Variants in CUBN observed in about 807,000 individuals in gnomAD.
CUBN encodes cubilin.
A neutral mutation model predicts 405.3 loss-of-function variants in CUBN; 282 were observed. The ratio of observed to expected loss-of-function variants is 0.70; its 90% CI spans 0.63 to 0.77. The LOEUF is 0.77. Among genes scored for constraint, CUBN ranks in the 30% least tolerant of loss-of-function variants. CUBN has a pLI of 0.00. For missense variants in CUBN, 4,514 were observed against 4,475.2 expected (o/e 1.01, Z -0.25); for synonymous variants, 1,684 against 1,617.0 (o/e 1.04, Z -0.99).
intron 36 of CUBN, among the ~76,000 whole-genome samples, chr10:16,946,643 C>T (rs1160826306): frequency 6.6e-6 from 1 of 151,784 alleles, no homozygotes; most frequent in African/African-American, 2.4e-5. Context: ...TTACAGGTGC[C>T]CGCCACCACT....
At chr10:17,035,101 G>T (rs1259989393) in intron 27 of CUBN, among the ~76,000 whole-genome samples, 1 of 147,804 alleles carries the variant, frequency 6.8e-6, no homozygotes. Flanking sequence ...ATAAACAAAT[G>T]AAAACGCAAT....
intron 36 of CUBN, among the ~76,000 whole-genome samples, chr10:16,943,201 G>T (rs141706630): frequency 6.6e-6 from 1 of 152,286 alleles, no homozygotes; most frequent in East Asian, 1.9e-4. Flanking sequence ...CCAGATACTA[G>T]CATTGGTAGG....
At chr10:16,976,399 T>A (rs938547209) in intron 31 of CUBN, among the ~76,000 whole-genome samples, 6 of 152,198 alleles carry the variant, frequency 3.9e-5, no homozygotes, top group African/African-American at 1.4e-4. Context: ...CAATCCTGGT[T>A]GAAAAGTCAG....
At chr10:17,091,711 A>T (rs80005857) in intron 14 of CUBN, among the ~76,000 whole-genome samples, 1,846 of 152,296 alleles carry the variant, frequency 0.012, 39 homozygotes, top group African/African-American at 0.043. Context: ...ATAATAGAAA[A>T]GCAGATTTCA....
At chr10:17,124,331 A>C (rs962328247) in intron 4 of CUBN, among the ~76,000 whole-genome samples, 1 of 152,192 alleles carries the variant, frequency 6.6e-6, no homozygotes, top group African/African-American at 2.4e-5. Flanking sequence ...ATCTGACCCT[A>C]TGTCAGCTAC....
At chr10:17,051,715 C>T (rs1835272098) in intron 22 of CUBN, among the ~76,000 whole-genome samples, 1 of 151,378 alleles carries the variant, frequency 6.6e-6, no homozygotes, top group Admixed American at 6.6e-5. Context: ...GGTCAGTAAA[C>T]TTTAATATGT....
chr10:16,829,942 GTT>G (rs1020234349), intron 65 of CUBN, among the ~76,000 whole-genome samples: 3 of 128,776 alleles, frequency 2.3e-5, no homozygotes, highest in Non-Finnish European at 5.0e-5. Context: ...TTTTTGTTTT[GTT>G]TTTTTTTTTG....
intron 31 of CUBN, among the ~76,000 whole-genome samples, chr10:16,980,622 G>C (rs919314559): frequency 2.0e-5 from 3 of 152,052 alleles, no homozygotes; most frequent in Admixed American, 2.0e-4. Context: ...ATTCTCACTC[G>C]TAAGTGGGAG....
At chr10:16,990,667 T>C in intron 28 of CUBN, 152 bp from the exon 29 acceptor site, 1 of 653,638 alleles carries the variant, frequency 1.5e-6, no homozygotes, top group South Asian at 2.0e-5. Flanking sequence ...ATTATGCAGT[T>C]ATAAAACAAT....
At chr10:16,954,651 G>T (rs1564445446) in intron 31 of CUBN, 103 bp from the exon 32 acceptor site, 17 of 1,260,806 alleles carry the variant, frequency 1.3e-5, no homozygotes, top group Admixed American at 3.9e-5. Context: ...ATAATCACAC[G>T]TTTGCTGGAT....
intron 40 of CUBN, among the ~76,000 whole-genome samples, chr10:16,929,640 G>C (rs1049931815): frequency 1.3e-5 from 2 of 152,050 alleles, no homozygotes; most frequent in Non-Finnish European, 2.9e-5. Flanking sequence ...TTCTTTGGAG[G>C]GTTTCTGATC....
chr10:17,013,412 C>T (rs1408236480), intron 28 of CUBN, among the ~76,000 whole-genome samples: 1 of 102,824 alleles, frequency 9.7e-6, no homozygotes, highest in Non-Finnish European at 2.0e-5. Flanking sequence ...CTCTCTCTTC[C>T]TCTCTCTGTC....
intron 59 of CUBN, among the ~76,000 whole-genome samples, chr10:16,867,377 T>A (rs761745980): frequency 6.6e-6 from 1 of 152,212 alleles, no homozygotes; most frequent in African/African-American, 2.4e-5. Flanking sequence ...TTATTGTTCC[T>A]TCCCCCTCTC....
rs1210702571 is a variant in CUBN, at chr10:16,904,097, A to G, written c.7931T>C (p.Leu2644Pro). The change falls in exon 51 of 67, where the codon CTG becomes CCG. Residue 2644 changes from leucine to proline, a missense_variant. Around this residue, in one of 5 missense-constraint regions of CUBN, gnomAD observed 25 missense variants for 48.5 expected, o/e 0.52. Transcript: ENST00000377833. ...EFRVGDADGP[L>P]MWRLCGPSKP... Reference sequence around the variant, plus strand: ...TGAAGGACCACAAAGTCTCCACATCAGGGGCCCATCAGCATCACCTGAACA... The same window carrying G: ...TGAAGGACCACAAAGTCTCCACATCGGGGGCCCATCAGCATCACCTGAACA... 6.2e-7 allele frequency: 1 copy of G among 1,613,728 alleles called. No homozygotes were observed. Among genetic ancestry groups the G allele is most frequent in the Non-Finnish European group, 8.5e-7 (1 of 1,179,754 alleles).
intron 59 of CUBN, among the ~76,000 whole-genome samples, chr10:16,866,921 G>C (rs1200401923): frequency 1.3e-5 from 2 of 152,170 alleles, no homozygotes; most frequent in African/African-American, 4.8e-5. Context: ...AATTTGCTGT[G>C]ACTCGCTAGC....
intron 27 of CUBN, among the ~76,000 whole-genome samples, chr10:17,028,173 T>TAA (rs997312753): frequency 4.0e-5 from 6 of 151,744 alleles, no homozygotes; most frequent in Non-Finnish European, 7.4e-5. Context: ...TTTAATTCCA[T>TAA]AAACCTCAGC....
intron 40 of CUBN, among the ~76,000 whole-genome samples, chr10:16,928,893 A>C (rs1842287514): frequency 6.6e-6 from 1 of 151,906 alleles, no homozygotes; most frequent in South Asian, 2.1e-4. Context: ...AAAACTCAAA[A>C]TCAGAGTACC....
At chr10:16,896,422 G>C (rs761366714) in intron 54 of CUBN, among the ~76,000 whole-genome samples, 1 of 152,072 alleles carries the variant, frequency 6.6e-6, no homozygotes, top group Non-Finnish European at 1.5e-5. Flanking sequence ...CTGAAAGATA[G>C]TTTTCCAGAT....
chr10:16,906,055 AG>A, intron 50 of CUBN, 147 bp downstream of exon 50: 1 of 710,328 alleles, frequency 1.4e-6, no homozygotes, highest in South Asian at 1.6e-5. Context: ...TTGAGGCTGC[AG>A]TGAGTTATGA....
Sources: gnomAD v4.1 joint callset for allele counts (sites outside exome capture counted in the v4.1 genomes callset) on GRCh38, gnomAD v4.1.1 for gene constraint, gnomAD v4.1.1 regional missense constraint, MANE v1.5 for transcripts, NCBI Gene and HGNC (gene_info 2026-07-23, HGNC 2026-07-21) for gene names.